Variants in MAF observed in about 807,000 individuals in gnomAD.
The protein encoded by MAF is transcription factor Maf.
Under a neutral mutation model 22.0 loss-of-function variants are expected in MAF, and 10 were observed. That is an observed-to-expected ratio of 0.45 (90% CI 0.28 to 0.77). MAF has a LOEUF of 0.77. Among genes scored for constraint, MAF ranks in the 30% least tolerant of loss-of-function variants. The probability of loss-of-function intolerance (pLI) is 0.12; values close to 1 mark genes in which losing one functional copy is unlikely to be tolerated. For synonymous variants in MAF, 337 were observed against 255.8 expected (o/e 1.32, Z -3.03); for missense variants, 544 against 548.4 (o/e 0.99, Z 0.08).
chr16:79,442,260 T>G, the MAF span, among the ~76,000 whole-genome samples: 1 of 152,224 alleles, frequency 6.6e-6, no homozygotes, highest in African/African-American at 2.4e-5. Context: ...ATATCGGTGA[T>G]GACATAATCC....
At chr16:79,390,992 T>G in the MAF span, among the ~76,000 whole-genome samples, 2 of 152,162 alleles carry the variant, frequency 1.3e-5, no homozygotes, top group Non-Finnish European at 2.9e-5. Flanking sequence ...CAGAAGTGCA[T>G]TGTCTCGATG....
At chr16:79,278,773 G>A in the MAF span, among the ~76,000 whole-genome samples, 2 of 152,106 alleles carry the variant, frequency 1.3e-5, no homozygotes, top group African/African-American at 4.8e-5. Context: ...CCCTGACAGG[G>A]GGACAGGAGA....
At chr16:79,203,733 G>C in the MAF span, 1 of 152,136 alleles carries the variant, frequency 6.6e-6, no homozygotes, top group African/African-American at 2.4e-5. Context: ...GAAGCTGTTT[G>C]TTTTACCTGT....
the MAF span, among the ~76,000 whole-genome samples, chr16:79,400,903 C>G: frequency 6.6e-6 from 1 of 152,250 alleles, no homozygotes; most frequent in African/African-American, 2.4e-5. Context: ...AGGCCCAATC[C>G]TGTCCAAAGT....
At chr16:79,401,674 G>GATA in the MAF span, among the ~76,000 whole-genome samples, 1 of 151,874 alleles carries the variant, frequency 6.6e-6, no homozygotes, top group Non-Finnish European at 1.5e-5. Context: ...TAATAATAGT[G>GATA]ATAATAATAA....
At chr16:79,544,635 G>T in the MAF span, among the ~76,000 whole-genome samples, 1 of 151,774 alleles carries the variant, frequency 6.6e-6, no homozygotes, top group Non-Finnish European at 1.5e-5. Context: ...TTAGCCAGGC[G>T]TGGTGGCAGG....
Position 79,599,172 on chromosome 16 carries a change from C to A in MAF, c.731G>T (p.Gly244Val), listed in dbSNP as rs1423244186. ...GGGGGAAGAG[G>V]ALHPHHAAGG... Reference sequence around the variant, plus strand: ...GGCGGCGTGGTGCGGGTGCAGGGCGCCCCCCGCCCCCGCCGCGCCCCCGCC... The same window carrying A: ...GGCGGCGTGGTGCGGGTGCAGGGCGACCCCCGCCCCCGCCGCGCCCCCGCC... Residue 244 changes from glycine to valine, a missense_variant, in exon 1 of 2, where the codon GGC becomes GTC. Around this residue, in one of 5 missense-constraint regions of MAF, gnomAD observed 342 missense variants for 315.5 expected, o/e 1.08. Coordinates refer to ENST00000326043, the MANE Select transcript of MAF (RefSeq NM_005360.5). 4.1e-6 allele frequency: 5 copies of A among 1,220,948 alleles called. No individual in the cohort carries two copies. The highest frequency in any genetic ancestry group is 5.1e-6 in the Non-Finnish European group (5 of 977,050). The allele number at this position is 1,220,948 out of a possible 1,614,324, so 75.6% of individuals were successfully genotyped here.
At chr16:79,299,864 G>A in the MAF span, among the ~76,000 whole-genome samples, 2 of 151,960 alleles carry the variant, frequency 1.3e-5, no homozygotes, top group African/African-American at 4.8e-5. Flanking sequence ...CCTTTTTTCT[G>A]CTAAGCCACT....
chr16:79,492,272 C>A, the MAF span, among the ~76,000 whole-genome samples: 3 of 151,834 alleles, frequency 2.0e-5, no homozygotes, highest in South Asian at 6.2e-4. Flanking sequence ...GTGAGGTGAG[C>A]GACGCATTCA....
chr16:79,596,007 G>A (rs1239904721), intron 1 of MAF: 1 of 1,060,694 alleles, frequency 9.4e-7, no homozygotes, highest in Non-Finnish European at 1.1e-6. Flanking sequence ...GAAAATCTCG[G>A]TGTGTAAGAG....
chr16:79,205,656 G>C, the MAF span: 3 of 152,158 alleles, frequency 2.0e-5, no homozygotes, highest in Non-Finnish European at 4.4e-5. Flanking sequence ...CTGTGAGTTA[G>C]CAAAACTCCC....
chr16:79,424,409 T>C, the MAF span, among the ~76,000 whole-genome samples: 1 of 152,144 alleles, frequency 6.6e-6, no homozygotes, highest in Admixed American at 6.5e-5. Context: ...AAAACAGTCC[T>C]CTCTAAGGTT....
At chr16:79,502,645 A>AAC in the MAF span, among the ~76,000 whole-genome samples, 3 of 148,128 alleles carry the variant, frequency 2.0e-5, no homozygotes, top group Admixed American at 1.4e-4. Context: ...CAGCCTAGGT[A>AAC]ACAGAGTTAG....
At chr16:79,270,354 G>T in the MAF span, among the ~76,000 whole-genome samples, 1 of 152,124 alleles carries the variant, frequency 6.6e-6, no homozygotes, top group South Asian at 2.1e-4. Flanking sequence ...TAGTAGCAAG[G>T]CTTGCAGTCA....
At chr16:79,595,340 G>A in intron 1 of MAF, 1 of 1,050,866 alleles carries the variant, frequency 9.5e-7, no homozygotes, top group Non-Finnish European at 1.1e-6. Context: ...TGATAAACTG[G>A]CCAGAACTTA....
chr16:79,414,176 G>A, the MAF span, among the ~76,000 whole-genome samples: 5 of 152,336 alleles, frequency 3.3e-5, no homozygotes, highest in African/African-American at 4.8e-5. Flanking sequence ...TAAACCAAGT[G>A]TGAGAGTGTC....
chr16:79,543,270 A>T, the MAF span, among the ~76,000 whole-genome samples: 1 of 152,238 alleles, frequency 6.6e-6, no homozygotes, highest in Non-Finnish European at 1.5e-5. Flanking sequence ...GGAGACAGGC[A>T]AGAGTGTAGC....
At chr16:79,213,489 G>T in the MAF span, among the ~76,000 whole-genome samples, 1 of 152,216 alleles carries the variant, frequency 6.6e-6, no homozygotes, top group Admixed American at 6.5e-5. Flanking sequence ...TCTACACCTG[G>T]AGGGGATCAC....
the MAF span, among the ~76,000 whole-genome samples, chr16:79,564,441 A>C: frequency 6.6e-6 from 1 of 152,230 alleles, no homozygotes; most frequent in African/African-American, 2.4e-5. Context: ...GCAAGGGGGA[A>C]GTAGCTATGA....
Sources: gnomAD v4.1 joint callset for allele counts (sites outside exome capture counted in the v4.1 genomes callset) on GRCh38, gnomAD v4.1.1 for gene constraint, gnomAD v4.1.1 regional missense constraint, MANE v1.5 for transcripts, NCBI Gene and HGNC (gene_info 2026-07-23, HGNC 2026-07-21) for gene names.